The following DMXL1 variants were observed in gnomAD, a reference collection of about 807,000 sequenced individuals.
DMXL1 encodes the protein Dmx like 1, also known as dmX-like protein 1.
Under a neutral mutation model 319.2 loss-of-function variants are expected in DMXL1, and 99 were observed. The ratio of observed to expected loss-of-function variants is 0.31; its 90% CI spans 0.26 to 0.37. The LOEUF (loss-of-function observed/expected upper bound fraction) is 0.37, where lower values mean the gene tolerates loss of function less well. DMXL1 is among the 10% of genes least tolerant of loss of function. The pLI, the probability that DMXL1 is intolerant of heterozygous loss-of-function variation, is 1.00. For synonymous variants in DMXL1, 1,385 were observed against 1,235.2 expected, an observed-to-expected ratio of 1.12 and a Z score of -2.54; for missense variants, 3,745 against 3,595.6, an observed-to-expected ratio of 1.04 and a Z score of -1.06.
intron 28 of DMXL1, among the ~76,000 whole-genome samples, chr5:119,181,182 C>T (rs867244711): frequency 6.6e-6 from 1 of 152,188 alleles, no homozygotes; most frequent in Middle Eastern, 3.4e-3. Flanking sequence ...ATTATAAGTC[C>T]GTCATAAGCT....
chr5:119,240,522 C>T, intron 42 of DMXL1, 51 bp downstream of exon 42: 1 of 1,226,486 alleles, frequency 8.2e-7, no homozygotes, highest in Non-Finnish European at 1.2e-6. Context: ...AATTCATAAG[C>T]TAAATATTAT....
intron 1 of DMXL1, among the ~76,000 whole-genome samples, chr5:119,081,362 A>C (rs1190297984): frequency 1.3e-5 from 2 of 152,206 alleles, no homozygotes; most frequent in Non-Finnish European, 2.9e-5. Context: ...CTCTTCCTTG[A>C]TTCATTTAAC....
chr5:119,241,672 G>A (rs1788845250), intron 42 of DMXL1, among the ~76,000 whole-genome samples: 1 of 152,082 alleles, frequency 6.6e-6, no homozygotes, highest in South Asian at 2.1e-4. Context: ...CTTTTTGGGA[G>A]CACTTCCAGC....
chr5:119,167,403 A>T (rs886629466), intron 22 of DMXL1, among the ~76,000 whole-genome samples, 200 bp from the exon 23 acceptor site: 2 of 152,122 alleles, frequency 1.3e-5, no homozygotes, highest in African/African-American at 4.8e-5. Context: ...ACTAGAAGGT[A>T]GGTTTGCAGT....
At chr5:119,160,224 A>G (rs1029005084) in intron 19 of DMXL1, among the ~76,000 whole-genome samples, 2 of 152,004 alleles carry the variant, frequency 1.3e-5, no homozygotes, top group Non-Finnish European at 2.9e-5. Context: ...AAATTTTAGC[A>G]TATTCTGTTT....
intron 30 of DMXL1, among the ~76,000 whole-genome samples, chr5:119,195,536 A>C (rs1779462695): frequency 6.6e-6 from 1 of 152,224 alleles, no homozygotes; most frequent in South Asian, 2.1e-4. Flanking sequence ...AGTGAAATAC[A>C]TAAAGAATAA....
At chr5:119,196,647 G>A (rs772211388) in intron 31 of DMXL1, among the ~76,000 whole-genome samples, 191 bp downstream of exon 31, 62 of 151,970 alleles carry the variant, frequency 4.1e-4, no homozygotes, top group Middle Eastern at 6.8e-3. Context: ...CTTGAGGATG[G>A]CAACATCCAA....
At chr5:119,094,676 A>G (rs949507380) in intron 1 of DMXL1, among the ~76,000 whole-genome samples, 2 of 152,182 alleles carry the variant, frequency 1.3e-5, no homozygotes, top group Admixed American at 1.3e-4. Flanking sequence ...GTAAATTGAA[A>G]ACCTTCTGGA....
At chr5:119,209,617 G>A (rs1009590094) in intron 34 of DMXL1, among the ~76,000 whole-genome samples, 5 of 152,056 alleles carry the variant, frequency 3.3e-5, no homozygotes, top group African/African-American at 4.8e-5. Flanking sequence ...TGAAGTGTTC[G>A]GATTACAGGT....
At chr5:119,194,424 G>A (rs1407246914) in intron 30 of DMXL1, among the ~76,000 whole-genome samples, 1 of 152,140 alleles carries the variant, frequency 6.6e-6, no homozygotes, top group Non-Finnish European at 1.5e-5. Context: ...TCATACACAT[G>A]TTCTAAATGC....
chr5:119,182,938 T>G (rs1777035964), intron 28 of DMXL1, among the ~76,000 whole-genome samples: 1 of 152,182 alleles, frequency 6.6e-6, no homozygotes, highest in South Asian at 2.1e-4. Flanking sequence ...TATTCTGTAT[T>G]ATAAATAAAG....
chr5:119,147,565 A>C, intron 17 of DMXL1, 95 bp downstream of exon 17: 1 of 776,074 alleles, frequency 1.3e-6, no homozygotes, highest in Non-Finnish European at 2.1e-6. Context: ...TTAAATCCAC[A>C]CAGAACTAGA....
chr5:119,099,282 C>T (rs1484609611), intron 2 of DMXL1, among the ~76,000 whole-genome samples: 2 of 152,000 alleles, frequency 1.3e-5, no homozygotes, highest in African/African-American at 2.4e-5. Flanking sequence ...GCAATCTCAG[C>T]TCACTGCAGC....
At chr5:119,166,226 G>A (rs899754266) in intron 21 of DMXL1, among the ~76,000 whole-genome samples, 2 of 152,078 alleles carry the variant, frequency 1.3e-5, no homozygotes, top group South Asian at 2.1e-4. Context: ...GATGATTTAC[G>A]GTTGTTTTGA....
chr5:119,117,394 A>AT (rs1318150648), intron 7 of DMXL1, among the ~76,000 whole-genome samples: 4 of 152,030 alleles, frequency 2.6e-5, no homozygotes, highest in South Asian at 2.1e-4. Flanking sequence ...ACCATGTGGC[A>AT]TTTTTTCCCT....
intron 28 of DMXL1, among the ~76,000 whole-genome samples, chr5:119,185,479 T>G (rs1777550158): frequency 1.3e-5 from 2 of 152,130 alleles, no homozygotes; most frequent in Admixed American, 1.3e-4. Flanking sequence ...AGCTGGATAG[T>G]ATCATCTTCC....
chr5:119,146,132 C>T (rs971749240), intron 15 of DMXL1, among the ~76,000 whole-genome samples: 12 of 151,792 alleles, frequency 7.9e-5, no homozygotes, highest in Non-Finnish European at 1.2e-4. Context: ...TCTTTGTGCT[C>T]TAATAATACC....
Position 119,189,756 on chromosome 5 carries a change from C to A in DMXL1, c.7184C>A (p.Pro2395Gln), listed in dbSNP as rs1211505718. Reference protein sequence around the residue: ...EGEKQNKRFRPSKMSCRESAP... With the variant: ...EGEKQNKRFRQSKMSCRESAP... ...GAAAAACAGAACAAACGTTTTAGGC[C>A]GTCAAAAATGTCTTGCAGAGAATCT... Residue 2395 changes from proline to glutamine, a missense_variant, in exon 29 of 44, where the codon CCG becomes CAG. Physicochemically the swap from Pro to Gln is moderately conservative, Grantham distance 76 (BLOSUM62 -1). Coordinates refer to ENST00000539542, the MANE Select transcript of DMXL1 (RefSeq NM_001290321.3). 1.2e-6 allele frequency: 2 copies of A among 1,614,036 alleles called. No individual in the cohort carries two copies. Among genetic ancestry groups the A allele is most frequent in the Admixed American group, 1.7e-5 (1 of 60,024 alleles).
intron 5 of DMXL1, among the ~76,000 whole-genome samples, chr5:119,112,492 T>C (rs1759861959): frequency 6.6e-6 from 1 of 152,168 alleles, no homozygotes; most frequent in South Asian, 2.1e-4. Context: ...ACTAGGTTTA[T>C]ATGAAGTGGT....
Sources: allele counts gnomAD v4.1 joint callset (sites outside exome capture counted in the v4.1 genomes callset), GRCh38; gene constraint gnomAD v4.1.1; transcripts MANE v1.5; gene names NCBI Gene and HGNC (gene_info 2026-07-23, HGNC 2026-07-21).